Variants in SPAG16 observed in about 807,000 individuals in gnomAD.
SPAG16 encodes sperm associated antigen 16.
SPAG16 carries 86 observed loss-of-function variants against 80.4 expected under a neutral mutation model. The observed-to-expected ratio is 1.07, with a 90% CI of 0.90 to 1.28. SPAG16 has a LOEUF of 1.28. Ranked by LOEUF, SPAG16 falls within the 50% of genes most tolerant of loss-of-function variation. The pLI is 0.00. For missense variants in SPAG16, 870 were observed against 765.3 expected (o/e 1.14, Z -1.61); for synonymous variants, 294 against 265.9 (o/e 1.11, Z -1.03).
chr2:213,780,511 G>A (rs566046940), intron 10 of SPAG16, among the ~76,000 whole-genome samples: 1 of 149,012 alleles, frequency 6.7e-6, no homozygotes, highest in African/African-American at 2.4e-5. Flanking sequence ...TTAGTTTCAA[G>A]TAGAACCTTC....
intron 15 of SPAG16, among the ~76,000 whole-genome samples, chr2:214,298,075 T>TAC (rs1491195158): frequency 2.5e-4 from 5 of 20,006 alleles, no homozygotes; most frequent in South Asian, 0.022. Context: ...GATGTATGCC[T>TAC]ATATATATAT....
chr2:214,046,630 A>G (rs958976464), intron 13 of SPAG16, among the ~76,000 whole-genome samples: 5 of 152,218 alleles, frequency 3.3e-5, no homozygotes, highest in African/African-American at 1.2e-4. Flanking sequence ...AAGATGAGGA[A>G]CATGACAAGG....
chr2:213,539,695 G>A (rs1024599407), intron 10 of SPAG16, among the ~76,000 whole-genome samples: 7 of 152,140 alleles, frequency 4.6e-5, no homozygotes, highest in African/African-American at 1.7e-4. Context: ...AGTTGTCCTT[G>A]TTAATAAACC....
chr2:213,426,832 T>TACAC (rs1201370364), intron 9 of SPAG16, among the ~76,000 whole-genome samples: 7 of 65,262 alleles, frequency 1.1e-4, no homozygotes, highest in African/African-American at 2.4e-4. Flanking sequence ...ATTATTCTGA[T>TACAC]ACATACACAC....
At chr2:214,110,670 T>C (rs763605188) in intron 14 of SPAG16, among the ~76,000 whole-genome samples, 17 of 152,212 alleles carry the variant, frequency 1.1e-4, no homozygotes, top group Admixed American at 2.0e-4. Context: ...GATGGCTGGG[T>C]CAAATGTTAT....
chr2:213,983,823 T>C (rs1039498143), intron 12 of SPAG16, among the ~76,000 whole-genome samples: 1 of 152,078 alleles, frequency 6.6e-6, no homozygotes, highest in African/African-American at 2.4e-5. Context: ...GTTCAGAGCA[T>C]AATGTAGATA....
chr2:213,378,147 T>C (rs1193087369), intron 9 of SPAG16, among the ~76,000 whole-genome samples: 2 of 152,094 alleles, frequency 1.3e-5, no homozygotes, highest in Admixed American at 1.3e-4. Context: ...CACATTTTTC[T>C]GCCTGCTTTA....
At chr2:214,047,943 C>T (rs527533161) in intron 13 of SPAG16, among the ~76,000 whole-genome samples, 2 of 152,232 alleles carry the variant, frequency 1.3e-5, no homozygotes, top group African/African-American at 2.4e-5. Context: ...AAAAGGTGCT[C>T]AGCATCATTG....
At chr2:213,833,826 A>G (rs2073935038) in intron 10 of SPAG16, among the ~76,000 whole-genome samples, 1 of 151,034 alleles carries the variant, frequency 6.6e-6, no homozygotes, top group African/African-American at 2.4e-5. Context: ...ATTCAGACCC[A>G]TTAGTTATAT....
intron 1 of SPAG16, chr2:213,286,045 G>A (rs2126041104): frequency 1.7e-6 from 1 of 571,914 alleles, no homozygotes; most frequent in East Asian, 6.8e-5. Flanking sequence ...TAAATGGTAG[G>A]AGTCTAACAT....
intron 9 of SPAG16, among the ~76,000 whole-genome samples, chr2:213,459,102 A>G (rs1256428867): frequency 9.9e-5 from 15 of 151,808 alleles, no homozygotes; most frequent in Admixed American, 2.0e-4. Flanking sequence ...ATTCTTTTCT[A>G]TATCTTTTAG....
chr2:214,137,321 T>G (rs1024993299), intron 14 of SPAG16, among the ~76,000 whole-genome samples: 21 of 152,206 alleles, frequency 1.4e-4, no homozygotes, highest in African/African-American at 4.6e-4. Flanking sequence ...AATGCCATTA[T>G]AATAGTTTAG....
chr2:213,566,140 G>T (rs921718680), intron 10 of SPAG16, among the ~76,000 whole-genome samples: 1 of 152,122 alleles, frequency 6.6e-6, no homozygotes, highest in Non-Finnish European at 1.5e-5. Context: ...AAGTCAATGG[G>T]TTGCTGGAGT....
intron 9 of SPAG16, among the ~76,000 whole-genome samples, chr2:213,381,867 A>G (rs998979816): frequency 1.3e-5 from 2 of 152,194 alleles, no homozygotes; most frequent in African/African-American, 4.8e-5. Flanking sequence ...CCGCTGTACC[A>G]TTTATGTTTT....
chr2:214,330,048 C>T (rs916940131), intron 15 of SPAG16, among the ~76,000 whole-genome samples: 4 of 151,478 alleles, frequency 2.6e-5, no homozygotes, highest in African/African-American at 9.7e-5. Flanking sequence ...AGGTGGATCA[C>T]CTGAGGTCAG....
At chr2:214,017,511 T>C (rs1319631488) in intron 13 of SPAG16, among the ~76,000 whole-genome samples, 1 of 152,194 alleles carries the variant, frequency 6.6e-6, no homozygotes, top group African/African-American at 2.4e-5. Flanking sequence ...CTTTCTCTTA[T>C]GTGAAAAACA....
At chr2:213,702,928 T>A (rs759573407) in intron 10 of SPAG16, among the ~76,000 whole-genome samples, 32 of 152,306 alleles carry the variant, frequency 2.1e-4, no homozygotes, top group Middle Eastern at 3.4e-3. Context: ...TTGCCGTGAC[T>A]GTGTTAGTGT....
chr2:213,391,897 G>C (rs2067773166), intron 9 of SPAG16, among the ~76,000 whole-genome samples: 1 of 152,166 alleles, frequency 6.6e-6, no homozygotes, highest in African/African-American at 2.4e-5. Context: ...ATGGAGATTA[G>C]AGAATTACGG....
At chr2:214,054,800 T>C (rs760044002) in intron 13 of SPAG16, among the ~76,000 whole-genome samples, 14 of 152,318 alleles carry the variant, frequency 9.2e-5, no homozygotes, top group Non-Finnish European at 1.6e-4. Flanking sequence ...TTTTTAATGG[T>C]AGCAATGTTG....
Sources: allele counts gnomAD v4.1 joint callset (sites outside exome capture counted in the v4.1 genomes callset), GRCh38; gene constraint gnomAD v4.1.1; transcripts MANE v1.5; gene names NCBI Gene and HGNC (gene_info 2026-07-23, HGNC 2026-07-21).